The following ARHGEF3 variants were observed in gnomAD, a reference collection of about 807,000 sequenced individuals.
ARHGEF3 encodes the protein 59.8 kDA protein.
Under a neutral mutation model 63.2 loss-of-function variants are expected in ARHGEF3, and 28 were observed. The observed-to-expected ratio is 0.44, with a 90% CI of 0.33 to 0.61. The LOEUF is 0.61. ARHGEF3 is among the 20% of genes least tolerant of loss of function. The pLI, the probability that ARHGEF3 is intolerant of heterozygous loss-of-function variation, is 0.03. For missense variants in ARHGEF3, 533 were observed against 659.3 expected (o/e 0.81, Z 2.10); for synonymous variants, 266 against 254.2 (o/e 1.05, Z -0.44).
chr3:56,916,455 C>T lies in ARHGEF3; in HGVS notation c.130-34101G>A, dbSNP rs2041994390. Reference sequence around the variant, plus strand: ...TAGTTTCCCTGAAGGAACTCCTCCCCGCCACTTGGGCTGCATGACAGGAAG... The same window carrying T: ...TAGTTTCCCTGAAGGAACTCCTCCCTGCCACTTGGGCTGCATGACAGGAAG... On this transcript the variant is annotated intron_variant, in intron 3 of 12. Coordinates refer to the ARHGEF3 transcript ENST00000338458. The T allele has an allele frequency of 3.5e-6, 5 of 1,425,500 alleles. No individual in the cohort carries two copies. In the South Asian group the frequency reaches 5.9e-5, roughly 17 times the overall value. The allele number at this position is 1,425,500 out of a possible 1,614,324, so 88.3% of individuals were successfully genotyped here.
At chr3:56,984,431 G>A (rs563242799) in intron 2 of ARHGEF3, among the ~76,000 whole-genome samples, 4 of 152,214 alleles carry the variant, frequency 2.6e-5, no homozygotes, top group South Asian at 2.1e-4. Flanking sequence ...GTGGGTGGGC[G>A]AGTATGTTAC....
intron 2 of ARHGEF3, among the ~76,000 whole-genome samples, chr3:56,759,517 A>G (rs2035300136): frequency 1.3e-5 from 2 of 151,916 alleles, no homozygotes; most frequent in Admixed American, 6.6e-5. Context: ...TGAAATTTAC[A>G]TAACTCAATT....
At chr3:56,839,466 C>T (rs1483028377) in intron 4 of ARHGEF3, among the ~76,000 whole-genome samples, 1 of 152,050 alleles carries the variant, frequency 6.6e-6, no homozygotes, top group Non-Finnish European at 1.5e-5. Context: ...CAGTACTAAA[C>T]CAATGTTACT....
chr3:57,002,478 GTTATATATATA>G (rs1702248839), intron 2 of ARHGEF3, among the ~76,000 whole-genome samples: 1 of 13,670 alleles, frequency 7.3e-5, no homozygotes, highest in Non-Finnish European at 1.2e-4. Context: ...ATATATATAT[GTTATATATATA>G]TATATATGTT....
chr3:56,877,376 CTTTT>C (rs755860299), intron 4 of ARHGEF3, among the ~76,000 whole-genome samples: 2 of 136,952 alleles, frequency 1.5e-5, no homozygotes, highest in Non-Finnish European at 1.6e-5. Context: ...TACTATAATC[CTTTT>C]TTTTTTTTTT....
intron 4 of ARHGEF3, among the ~76,000 whole-genome samples, chr3:56,851,307 C>A (rs1465263061): frequency 6.6e-6 from 1 of 152,172 alleles, no homozygotes; most frequent in Non-Finnish European, 1.5e-5. Context: ...TCCTTCAATA[C>A]CCGAATCATC....
intron 3 of ARHGEF3, among the ~76,000 whole-genome samples, chr3:56,914,196 G>A (rs867399637): frequency 2.0e-5 from 3 of 152,132 alleles, no homozygotes; most frequent in South Asian, 4.1e-4. Context: ...TGGATGATGG[G>A]TGCAACAAAA....
At chr3:56,733,082 G>C (rs559835253) in intron 8 of ARHGEF3, among the ~76,000 whole-genome samples, 52 of 152,042 alleles carry the variant, frequency 3.4e-4, no homozygotes, top group African/African-American at 1.3e-3. Context: ...AGGAGATACA[G>C]ACCATCCTGG....
intron 3 of ARHGEF3, among the ~76,000 whole-genome samples, chr3:56,918,346 T>C (rs1348380201): frequency 1.3e-5 from 2 of 152,218 alleles, no homozygotes; most frequent in Admixed American, 1.3e-4. Context: ...CAGGGCATTG[T>C]ACGTTTTATT....
Position 56,945,417 on chromosome 3 carries a change from C to T in ARHGEF3, c.129+13406G>A, listed in dbSNP as rs189422605. Among the ~76,000 whole-genome samples, 548 of 149,320 alleles carry T rather than the reference C, an allele frequency of 3.7e-3. 1 individual carries two copies. Among genetic ancestry groups the T allele is most frequent in the Non-Finnish European group, 6.6e-3 (442 of 66,962 alleles). On this transcript the variant is annotated intron_variant, in intron 3 of 12. Coordinates refer to the ARHGEF3 transcript ENST00000338458. ...ACCTGGAAAATTGGGTCACTCCCAC[C>T]CTAATACTGAGCTTTTCCAACGGTC...
At chr3:57,038,217 G>A (rs188335095) in intron 1 of ARHGEF3, among the ~76,000 whole-genome samples, 3 of 152,186 alleles carry the variant, frequency 2.0e-5, no homozygotes, top group East Asian at 1.9e-4. Flanking sequence ...AGGAAAGCTC[G>A]GTGGTGGCTG....
intron 1 of ARHGEF3, among the ~76,000 whole-genome samples, chr3:56,798,572 A>C (rs2037485722): frequency 6.9e-6 from 1 of 145,470 alleles, no homozygotes; most frequent in South Asian, 2.2e-4. Context: ...CCTTCTTTTT[A>C]AAAAGCAAAC....
At chr3:56,760,672 A>G (rs993317924) in intron 2 of ARHGEF3, among the ~76,000 whole-genome samples, 2 of 152,146 alleles carry the variant, frequency 1.3e-5, no homozygotes, top group African/African-American at 4.8e-5. Flanking sequence ...TCAAAACCAG[A>G]TCTGGTTCCA....
At chr3:56,730,388 C>A (rs1578348978) in intron 9 of ARHGEF3, among the ~76,000 whole-genome samples, 1 of 137,328 alleles carries the variant, frequency 7.3e-6, no homozygotes. Flanking sequence ...TTTATTTAAT[C>A]TTTTTTTTTT....
chr3:56,971,085 A>C (rs1051519423), intron 2 of ARHGEF3, among the ~76,000 whole-genome samples: 2 of 152,186 alleles, frequency 1.3e-5, no homozygotes, highest in African/African-American at 2.4e-5. Flanking sequence ...CGCTGCTGTC[A>C]CTGCACTCCT....
intron 2 of ARHGEF3, chr3:56,977,217 C>CTTGT (rs1701159226): frequency 2.2e-6 from 1 of 456,282 alleles, no homozygotes; most frequent in Non-Finnish European, 4.4e-6. Flanking sequence ...GCCTAATCCA[C>CTTGT]AAGAGCCACA....
intron 2 of ARHGEF3, among the ~76,000 whole-genome samples, chr3:56,760,007 G>T (rs1003364723): frequency 7.2e-5 from 11 of 152,188 alleles, no homozygotes; most frequent in Admixed American, 6.5e-4. Flanking sequence ...AGTCTGGACA[G>T]ACCTATTGAT....
At position 56,755,024 on chromosome 3, in the gene ARHGEF3, C is replaced by G. The variant is rs753039261; in HGVS notation, c.332G>C (p.Cys111Ser). Residue 111 changes from cysteine to serine, a missense_variant, in exon 3 of 10, where the codon TGC becomes TCC. Cys to Ser is a moderately radical substitution (Grantham distance 112, BLOSUM62 -1). Transcript: ENST00000296315. ...CTTGGATGTAAGCATCTGATTGACG[C>G]ACACATCGAAGGTCTCACTCCACAG... ...SKLWSETFDVCVNQMLTSKEI... is the reference protein window; with the variant it reads ...SKLWSETFDVSVNQMLTSKEI... The G allele has an allele frequency of 6.2e-7, 1 of 1,614,062 alleles. No homozygotes were observed. The highest frequency in any genetic ancestry group is 8.5e-7 in the Non-Finnish European group (1 of 1,180,054).
chr3:56,836,635 G>C (rs534257890), intron 4 of ARHGEF3, among the ~76,000 whole-genome samples: 2 of 152,172 alleles, frequency 1.3e-5, no homozygotes, highest in African/African-American at 4.8e-5. Flanking sequence ...GATACAAAAA[G>C]TCACTGTGGG....
Sources: gnomAD v4.1 joint callset for allele counts (sites outside exome capture counted in the v4.1 genomes callset) on GRCh38, gnomAD v4.1.1 for gene constraint, MANE v1.5 for transcripts, NCBI Gene and HGNC (gene_info 2026-07-23, HGNC 2026-07-21) for gene names.